The following SSU72 variants were observed in gnomAD, a reference collection of about 807,000 sequenced individuals.
The protein encoded by SSU72 is RNA polymerase II subunit A C-terminal domain phosphatase SSU72.
A neutral mutation model predicts 22.7 loss-of-function variants in SSU72; 12 were observed. The observed-to-expected ratio is 0.53, with a 90% CI of 0.34 to 0.86. The LOEUF is 0.86. Among genes scored for constraint, SSU72 ranks in the 40% least tolerant of loss-of-function variants. SSU72 has a pLI of 0.02. For synonymous variants in SSU72, 116 were observed against 98.3 expected (o/e 1.18, Z -1.06); for missense variants, 151 against 249.8 (o/e 0.60, Z 2.67).
chr1:1,565,236 G>A (rs1385617528), intron 1 of SSU72, among the ~76,000 whole-genome samples: 5 of 152,120 alleles, frequency 3.3e-5, no homozygotes, highest in South Asian at 2.1e-4. Context: ...AGCCGGGCGC[G>A]GTGGCGGGCA....
intron 2 of SSU72, among the ~76,000 whole-genome samples, chr1:1,547,337 G>A (rs578035780): frequency 3.3e-5 from 5 of 152,308 alleles, no homozygotes; most frequent in East Asian, 3.9e-4. Flanking sequence ...CCTCCTTTAC[G>A]TCATTCTCAA....
At chr1:1,572,292 G>A (rs1570402747) in intron 1 of SSU72, among the ~76,000 whole-genome samples, 1 of 141,566 alleles carries the variant, frequency 7.1e-6, no homozygotes, top group South Asian at 2.5e-4. Context: ...GCCGGGCGTG[G>A]TGGCGGGCGC....
intron 2 of SSU72, among the ~76,000 whole-genome samples, chr1:1,558,848 C>G (rs1461091686): frequency 6.6e-6 from 1 of 152,210 alleles, no homozygotes; most frequent in African/African-American, 2.4e-5. Flanking sequence ...CTGAGTGACA[C>G]TTCACTAGGT....
At position 1,542,276 on chromosome 1, in the gene SSU72, C is replaced by G. The variant is rs548952190; in HGVS notation, c.484-109G>C. ...AGGCCTGAGCCAGCAGAAACCAGCG[C>G]AGCAGGCAGGCCCTCACCCCACCGC... On this transcript the variant is annotated intron_variant, in intron 4 of 4. Transcript: ENST00000291386. The surrounding 1 kb of genome is among the most constrained non-coding windows in gnomAD (Gnocchi z 4.4). The G allele has an allele frequency of 1.6e-4, 171 of 1,071,580 alleles. No homozygotes were observed. Among genetic ancestry groups the G allele is most frequent in the African/African-American group, 1.4e-3 (88 of 64,102 alleles). The allele number at this position is 1,071,580 out of a possible 1,614,324, so 66.4% of individuals were successfully genotyped here.
intron 2 of SSU72, among the ~76,000 whole-genome samples, chr1:1,550,977 C>A (rs1185742168): frequency 6.6e-6 from 1 of 152,114 alleles, no homozygotes; most frequent in Non-Finnish European, 1.5e-5. Context: ...ACACATCCAC[C>A]CCCCAGAAAG....
intron 1 of SSU72, among the ~76,000 whole-genome samples, chr1:1,569,288 C>T (rs748716497): frequency 4.8e-4 from 73 of 152,176 alleles, no homozygotes; most frequent in Non-Finnish European, 6.2e-4. Context: ...GCACCAAGCG[C>T]AGGAGGCTCT....
intron 2 of SSU72, chr1:1,562,963 A>G (rs536991409): frequency 6.6e-6 from 1 of 152,526 alleles, no homozygotes; most frequent in South Asian, 2.1e-4. Context: ...GATGGCTCCC[A>G]GCACCACCGC....
At chr1:1,568,215 T>C (rs1245114461) in intron 1 of SSU72, among the ~76,000 whole-genome samples, 1 of 152,244 alleles carries the variant, frequency 6.6e-6, no homozygotes, top group African/African-American at 2.4e-5. Flanking sequence ...AAAACACTCC[T>C]GACACCAACA....
At chr1:1,569,411 C>T (rs1029953490) in intron 1 of SSU72, among the ~76,000 whole-genome samples, 10 of 152,124 alleles carry the variant, frequency 6.6e-5, no homozygotes, top group African/African-American at 1.4e-4. Flanking sequence ...CCCCAGAGAA[C>T]GCTAACATGT....
chr1:1,564,740 G>A (rs750655539), intron 2 of SSU72, 33 bp downstream of exon 2: 49 of 1,613,978 alleles, frequency 3.0e-5, no homozygotes, highest in African/African-American at 6.7e-5. Context: ...AGGACCACAC[G>A]GGGGGTTTTT....
rs986862677 is a variant in SSU72, at chr1:1,553,058, A to T, written c.225-8056T>A. Among the ~76,000 whole-genome samples the T allele has an allele frequency of 2.0e-5, 3 of 151,968 alleles. No homozygotes were observed. The South Asian group carries it at 6.2e-4, about 31-fold the overall frequency. ...AAAAAAATTACTTTTTAAAGTTTTCAAGAAAAAGGTCTTAAATTGTGAATT... is the reference window on the plus strand; with the variant it reads ...AAAAAAATTACTTTTTAAAGTTTTCTAGAAAAAGGTCTTAAATTGTGAATT... On this transcript the variant is annotated intron_variant, in intron 2 of 4. Transcript: ENST00000291386.
rs1642503329 is a variant in SSU72 at position 1,554,981 on chromosome 1, A to C, written c.224+9792T>G. On this transcript the variant is annotated intron_variant, in intron 2 of 4. Coordinates refer to ENST00000291386, the MANE Select transcript of SSU72 (RefSeq NM_014188.3). This position sits in a 1 kb window ranked among gnomAD's most constrained non-coding sequence, Gnocchi z 4.1. ...CGTGGAAGCCTTGGTCCTTCCCCGG[A>C]AGGCCACACCATCTTCCCTGCACGT... Among the ~76,000 whole-genome samples, 1 of 152,108 alleles carries C rather than the reference A, an allele frequency of 6.6e-6. No individual in the cohort carries two copies. Among genetic ancestry groups the C allele is most frequent in the Admixed American group, 6.5e-5 (1 of 15,268 alleles).
intron 1 of SSU72, among the ~76,000 whole-genome samples, chr1:1,568,101 CTATT>C (rs1218244289): frequency 1.3e-5 from 2 of 152,156 alleles, no homozygotes; most frequent in Non-Finnish European, 2.9e-5. Flanking sequence ...GGCAAAAAGG[CTATT>C]TAGCAACAGA....
intron 1 of SSU72, among the ~76,000 whole-genome samples, chr1:1,565,182 G>C (rs1189367552): frequency 6.6e-6 from 1 of 152,060 alleles, no homozygotes; most frequent in Non-Finnish European, 1.5e-5. Flanking sequence ...GACCATCCTG[G>C]CTAACACGGT....
chr1:1,568,474 C>G (rs776847872), intron 1 of SSU72, among the ~76,000 whole-genome samples: 2 of 151,788 alleles, frequency 1.3e-5, no homozygotes, highest in South Asian at 4.2e-4. Context: ...CGTGGTGGTG[C>G]GCGCCTGTAA....
chr1:1,559,010 G>A (rs1249677182), intron 2 of SSU72, among the ~76,000 whole-genome samples: 2 of 152,174 alleles, frequency 1.3e-5, no homozygotes, highest in Non-Finnish European at 2.9e-5. Flanking sequence ...TGGCTTCAGT[G>A]TAAAATGAAA....
At chr1:1,571,202 G>A (rs767042351) in intron 1 of SSU72, among the ~76,000 whole-genome samples, 15 of 138,696 alleles carry the variant, frequency 1.1e-4, no homozygotes, top group African/African-American at 1.0e-4. Flanking sequence ...CTGAAATCGC[G>A]CCACTGCACT....
intron 2 of SSU72, among the ~76,000 whole-genome samples, chr1:1,552,800 C>T (rs1458753638): frequency 6.6e-6 from 1 of 152,134 alleles, no homozygotes; most frequent in African/African-American, 2.4e-5. Flanking sequence ...GCGGGTGGAT[C>T]ACTTGAGGTC....
chr1:1,565,043 C>T lies in SSU72; in HGVS notation c.81-127G>A, dbSNP rs540760974. 2.3e-6 allele frequency: 3 copies of T among 1,318,712 alleles called. No individual in the cohort carries two copies. In the South Asian group the frequency reaches 4.7e-5, roughly 20 times the overall value. 81.7% of individuals were successfully genotyped at this position (1,318,712 alleles called of 1,614,324 possible). On this transcript the variant is annotated intron_variant, in intron 1 of 4. Coordinates refer to ENST00000291386, the MANE Select transcript of SSU72 (RefSeq NM_014188.3). Reference sequence around the variant, plus strand: ...TGGCTCATAGTAGAGAATATGTCTTCAAATTTTTAATCTAGGCCGGGCATG... The same window carrying T: ...TGGCTCATAGTAGAGAATATGTCTTTAAATTTTTAATCTAGGCCGGGCATG...
Sources: gnomAD v4.1 joint callset for allele counts (sites outside exome capture counted in the v4.1 genomes callset) on GRCh38, gnomAD v4.1.1 for gene constraint, Gnocchi (gnomAD v3.1) non-coding constraint, MANE v1.5 for transcripts, NCBI Gene and HGNC (gene_info 2026-07-23, HGNC 2026-07-21) for gene names.